Variants in STAB2 observed in about 807,000 individuals in gnomAD.
STAB2 encodes stabilin-2.
A neutral mutation model predicts 338.1 loss-of-function variants in STAB2; 288 were observed. The observed-to-expected ratio is 0.85, with a 90% CI of 0.77 to 0.94. The LOEUF is 0.94. Among genes scored for constraint, STAB2 ranks in the 40% least tolerant of loss-of-function variants. The pLI is 0.00. For missense variants in STAB2, 3,141 were observed against 3,210.1 expected (o/e 0.98, Z 0.52); for synonymous variants, 1,202 against 1,193.3 (o/e 1.01, Z -0.15).
intron 41 of STAB2, 63 bp downstream of exon 41, chr12:103,712,506 C>G: frequency 7.7e-7 from 1 of 1,293,422 alleles, no homozygotes; most frequent in South Asian, 1.2e-5. Flanking sequence ...TTGAGAGGTT[C>G]TTGTTCCTGC....
intron 41 of STAB2, among the ~76,000 whole-genome samples, chr12:103,713,150 G>A (rs951207421): frequency 6.6e-6 from 1 of 152,208 alleles, no homozygotes; most frequent in Non-Finnish European, 1.5e-5. Flanking sequence ...CCCTCACTGA[G>A]TTGGACAATA....
In STAB2 at chr12:103,766,282, C is replaced by G; in HGVS notation, c.7606-4C>G. The G allele has an allele frequency of 6.2e-7, 1 of 1,614,084 alleles. No homozygotes were observed. Among genetic ancestry groups the G allele is most frequent in the African/African-American group, 1.3e-5 (1 of 75,034 alleles). ...CTGCCCCCTTACAACCCTCTCTTTT[C>G]CAGGACTCTGAAGAACGGCAGCTTG... On this transcript the variant is annotated splice_region_variant and splice_polypyrimidine_tract_variant and intron_variant, in intron 68 of 68. Transcript: ENST00000388887.
intron 15 of STAB2, among the ~76,000 whole-genome samples, chr12:103,657,168 C>A (rs34847315): frequency 6.7e-6 from 1 of 148,222 alleles, no homozygotes; most frequent in African/African-American, 2.5e-5. Context: ...TGAAACCTAG[C>A]TATTGCAGAA....
At chr12:103,641,085 A>C (rs746715783) in intron 9 of STAB2, among the ~76,000 whole-genome samples, 2 of 152,230 alleles carry the variant, frequency 1.3e-5, no homozygotes, top group Non-Finnish European at 1.5e-5. Context: ...AGAAAGACTC[A>C]TAGTGCCATT....
At chr12:103,705,530 T>C (rs919922068) in intron 36 of STAB2, 102 bp from the exon 37 acceptor site, 12 of 904,398 alleles carry the variant, frequency 1.3e-5, no homozygotes, top group Non-Finnish European at 2.1e-5. Flanking sequence ...CCCACAACAC[T>C]TTAGTCAGAG....
chr12:103,659,527 C>T (rs1874442691), intron 15 of STAB2, among the ~76,000 whole-genome samples: 1 of 152,228 alleles, frequency 6.6e-6, no homozygotes, highest in African/African-American at 2.4e-5. Flanking sequence ...AACTTGAGGG[C>T]TGTGAAGCTT....
chr12:103,759,947 T>C (rs1056300), intron 65 of STAB2, among the ~76,000 whole-genome samples: 1 of 152,204 alleles, frequency 6.6e-6, no homozygotes, highest in South Asian at 2.1e-4. Context: ...GATACATTTG[T>C]GGAAAATTGA....
At chr12:103,606,237 A>C (rs1957025941) in intron 3 of STAB2, among the ~76,000 whole-genome samples, 1 of 152,178 alleles carries the variant, frequency 6.6e-6, no homozygotes, top group African/African-American at 2.4e-5. Context: ...CACTCTATGC[A>C]CAAGAATCTT....
chr12:103,670,757 A>G lies in STAB2; in HGVS notation c.2321A>G (p.Gln774Arg). The change falls in exon 22 of 69, where the codon CAG (glutamine) becomes CGG (arginine). Residue 774 changes from glutamine (Q) to arginine (R), a missense_variant. Physicochemically the swap from Gln to Arg is conservative, Grantham distance 43. Coordinates refer to ENST00000388887, the MANE Select transcript of STAB2 (RefSeq NM_017564.10). ...TGTGAGGAGGGCTTCCAAGGCTCCC[A>G]GTGTCAGTTCTGCTCTGATCCCAAT... ...CICEEGFQGS[Q>R]CQFCSDPNKY... The G allele has an allele frequency of 1.2e-6, 2 of 1,614,180 alleles. No individual in the cohort carries two copies. The highest frequency in any genetic ancestry group is 2.2e-5 in the South Asian group (2 of 91,070).
At chr12:103,601,337 A>C (rs1956951549) in intron 3 of STAB2, among the ~76,000 whole-genome samples, 1 of 152,218 alleles carries the variant, frequency 6.6e-6, no homozygotes, top group African/African-American at 2.4e-5. Flanking sequence ...TGCGCCAGTA[A>C]TCCCAGCACT....
In STAB2 at chr12:103,737,004, T is replaced by A. The variant is rs146787793; in HGVS notation, c.5551-630T>A. ...AGCCCAGTTGATTATGCCTGGTACA[T>A]GTGAAAAAAGAAATTATCATTACAA... On this transcript the variant is annotated intron_variant, in intron 52 of 68. Transcript: ENST00000388887. Among the ~76,000 whole-genome samples the A allele has an allele frequency of 1.1e-3, 168 of 152,332 alleles. 1 individual carries two copies. Among genetic ancestry groups the A allele is most frequent in the African/African-American group, 3.9e-3 (163 of 41,568 alleles).
chr12:103,667,948 G>A (rs751662073), intron 19 of STAB2, among the ~76,000 whole-genome samples: 4 of 152,204 alleles, frequency 2.6e-5, no homozygotes, highest in Admixed American at 1.3e-4. Context: ...AAGTCTGTAC[G>A]TGATAAGACC....
chr12:103,748,742 G>C (rs557030293), intron 58 of STAB2, among the ~76,000 whole-genome samples: 26 of 152,170 alleles, frequency 1.7e-4, no homozygotes, highest in African/African-American at 5.8e-4. Context: ...GGGGGCAGAA[G>C]CGGACAGATG....
At chr12:103,640,390 G>A in intron 9 of STAB2, 134 bp downstream of exon 9, 1 of 1,151,712 alleles carries the variant, frequency 8.7e-7, no homozygotes, top group East Asian at 2.4e-5. Flanking sequence ...CATAGTAGGA[G>A]CAAGGATTGT....
chr12:103,734,161 CAT>C (rs1881894284), intron 51 of STAB2, among the ~76,000 whole-genome samples: 1 of 119,002 alleles, frequency 8.4e-6, no homozygotes, highest in South Asian at 2.8e-4. Flanking sequence ...TGCACAGTCT[CAT>C]AGGAGCAAGC....
At position 103,697,400 on chromosome 12, in the gene STAB2, C is replaced by T. The variant is rs537015311; in HGVS notation, c.3582+1556C>T. 1.6e-4 allele frequency among the ~76,000 whole-genome samples: 25 copies of T among 152,338 alleles called. No individual in the cohort carries two copies. In the South Asian group the frequency reaches 4.8e-3, roughly 29 times the overall value. ...ACCCAACCCATTTCTTTAACCTCTTCAGTGAGAAATGTTATTTTTCTGCCA... is the reference window on the plus strand; with the variant it reads ...ACCCAACCCATTTCTTTAACCTCTTTAGTGAGAAATGTTATTTTTCTGCCA... On this transcript the variant is annotated intron_variant, in intron 33 of 68. Transcript: ENST00000388887.
chr12:103,713,527 C>A, intron 41 of STAB2, 116 bp from the exon 42 acceptor site: 4 of 1,469,636 alleles, frequency 2.7e-6, no homozygotes, highest in Non-Finnish European at 3.7e-6. Flanking sequence ...CATATTTAAT[C>A]CAGTGCCTGC....
At chr12:103,712,159 C>T (rs1349016833) in intron 40 of STAB2, among the ~76,000 whole-genome samples, 1 of 152,164 alleles carries the variant, frequency 6.6e-6, no homozygotes, top group East Asian at 1.9e-4. Context: ...TCTATGCACG[C>T]TGTAGTTTGC....
chr12:103,709,941 T>C (rs549118334), intron 39 of STAB2, among the ~76,000 whole-genome samples: 1 of 152,278 alleles, frequency 6.6e-6, no homozygotes, highest in East Asian at 1.9e-4. Context: ...TCACCCAATC[T>C]AGGAACCTCC....
Sources: allele counts gnomAD v4.1 joint callset (sites outside exome capture counted in the v4.1 genomes callset), GRCh38; gene constraint gnomAD v4.1.1; transcripts MANE v1.5; gene names NCBI Gene and HGNC (gene_info 2026-07-23, HGNC 2026-07-21).